LPIN1: variants seen among roughly 807,000 people sequenced by gnomAD.
LPIN1 encodes phosphatidate phosphatase LPIN1.
Under a neutral mutation model 107.5 loss-of-function variants are expected in LPIN1, and 71 were observed. The observed-to-expected ratio is 0.66, with a 90% CI of 0.55 to 0.80. The LOEUF (loss-of-function observed/expected upper bound fraction) is 0.80, where lower values mean the gene tolerates loss of function less well. LPIN1 is among the 30% of genes least tolerant of loss of function. The pLI, the probability that LPIN1 is intolerant of heterozygous loss-of-function variation, is 0.00. For synonymous variants in LPIN1, 445 were observed against 452.6 expected (o/e 0.98, Z 0.21); for missense variants, 1,043 against 1,160.6 (o/e 0.90, Z 1.47).
intron 3 of LPIN1, among the ~76,000 whole-genome samples, chr2:11,768,611 C>A (rs1391100304): frequency 3.3e-5 from 5 of 152,060 alleles, no homozygotes; most frequent in African/African-American, 1.2e-4. Context: ...TATCTATAGA[C>A]CATGTCCATT....
rs536936666 is a variant in LPIN1, at chr2:11,750,460, CTT to C, written c.-10+3793_-10+3794del. Among the ~76,000 whole-genome samples the C allele has an allele frequency of 2.4e-4, 37 of 152,284 alleles. 1 individual carries two copies. In the South Asian group the frequency reaches 7.7e-3, roughly 32 times the overall value. On this transcript the variant is annotated intron_variant, in intron 1 of 20. Coordinates refer to ENST00000674199, the MANE Select transcript of LPIN1 (RefSeq NM_001349206.2). ...AACTAGTAATATTCTTTGCCTCTGT[CTT>C]TTTGGGAAGGTACTATTTAAATAGG...
At chr2:11,784,841 CTG>C in intron 9 of LPIN1, 43 bp from the exon 10 acceptor site, 16 of 1,596,586 alleles carry the variant, frequency 1.0e-5, no homozygotes, top group Non-Finnish European at 1.2e-5. Flanking sequence ...GGACCCTGAA[CTG>C]GGACAGTCCT....
chr2:11,766,059 C>T (rs1670828458), intron 2 of LPIN1, among the ~76,000 whole-genome samples: 1 of 152,230 alleles, frequency 6.6e-6, no homozygotes, highest in Non-Finnish European at 1.5e-5. Context: ...ATCATCTGAA[C>T]ACTCACGTTC....
In LPIN1 at chr2:11,779,655, T is replaced by C. The variant is rs1673240891; in HGVS notation, c.957+10T>C. 1 of 1,613,848 alleles carries C rather than the reference T, an allele frequency of 6.2e-7. No homozygotes were observed. The highest frequency in any genetic ancestry group is 2.2e-5 in the East Asian group (1 of 44,868). On this transcript the variant is annotated intron_variant, in intron 7 of 20. Transcript: ENST00000674199. The stretch of plus-strand genomic sequence containing the variant: ...GCCGCAGGCTGCTAAGGTGAGAGTC[T>C]CTTCAATTCTGCCACGGACCGAAGA...
chr2:11,784,972 G>A lies in LPIN1; in HGVS notation c.1445G>A (p.Gly482Asp). Residue 482 changes from glycine (G) to aspartate (D), a missense_variant, in exon 10 of 21, where the codon GGC becomes GAC. Physicochemically the swap from Gly to Asp is moderately conservative, Grantham distance 94. Coordinates refer to ENST00000674199, the MANE Select transcript of LPIN1 (RefSeq NM_001349206.2). ...NQSPQSVGSS[G>D]VDSGVESTSD... ...TCCCCGCAGTCGGTGGGCAGCTCGG[G>A]CGTGGACAGTGGCGTGGAGAGCACC... 6.2e-7 allele frequency: 1 copy of A among 1,613,896 alleles called. No individual in the cohort carries two copies. The highest frequency in any genetic ancestry group is 1.3e-5 in the African/African-American group (1 of 75,040).
In LPIN1 at chr2:11,791,962, A is replaced by G. The variant is rs1675823612; in HGVS notation, c.1762A>G (p.Arg588Gly). Residue 588 changes from arginine (R) to glycine (G), a missense_variant, in exon 13 of 21, where the codon AGA becomes GGA. Transcript: ENST00000674199. The part of the protein sequence containing the change: ...MRDKMPKKGG[R>G]WWFSWRGRNT... ...GGATAAAATGCCCAAAAAGGGAGGA[A>G]GATGGTGGTTTTCATGGAGGGGAAG... is the stretch of plus-strand genomic sequence containing the variant. 3 of 1,614,096 alleles carry G rather than the reference A, an allele frequency of 1.9e-6. No homozygotes were observed. Among genetic ancestry groups the G allele is most frequent in the Non-Finnish European group, 2.5e-6 (3 of 1,179,962 alleles).
chr2:11,692,431 T>C (rs1157606901), intron 1 of LPIN1, among the ~76,000 whole-genome samples: 1 of 152,254 alleles, frequency 6.6e-6, no homozygotes, highest in Non-Finnish European at 1.5e-5. Flanking sequence ...TCCCAAATAC[T>C]AGAAACTCCT....
intron 1 of LPIN1, among the ~76,000 whole-genome samples, chr2:11,738,239 G>A (rs978317106): frequency 1.3e-5 from 2 of 151,882 alleles, no homozygotes; most frequent in African/African-American, 4.8e-5. Flanking sequence ...CTGTTGGGGA[G>A]TGGGGGGCTA....
intron 1 of LPIN1, among the ~76,000 whole-genome samples, chr2:11,699,912 C>G (rs1662781948): frequency 6.6e-6 from 1 of 152,036 alleles, no homozygotes; most frequent in Admixed American, 6.5e-5. Context: ...AATTACTCAA[C>G]CTTTCTGAAA....
intron 1 of LPIN1, among the ~76,000 whole-genome samples, chr2:11,704,433 T>C (rs957245786): frequency 7.9e-5 from 12 of 152,172 alleles, no homozygotes; most frequent in Non-Finnish European, 4.4e-5. Context: ...CACCCTGGAT[T>C]GTGATGTGTC....
intron 1 of LPIN1, among the ~76,000 whole-genome samples, chr2:11,689,256 T>A (rs73177496): frequency 0.045 from 6,893 of 152,288 alleles, 377 homozygotes; most frequent in African/African-American, 0.13. Flanking sequence ...TTTGAGAGAT[T>A]AATGAACTGC....
upstream of LPIN1, chr2:11,722,133 C>T (rs1188352428): frequency 1.3e-5 from 2 of 152,222 alleles, no homozygotes; most frequent in Non-Finnish European, 2.9e-5. Context: ...TTCAAGACCC[C>T]TCCACAGCCC....
chr2:11,816,515 T>TCATTG (rs1270246042), intron 18 of LPIN1: 1 of 152,230 alleles, frequency 6.6e-6, no homozygotes, highest in African/African-American at 2.4e-5. Flanking sequence ...TATTTAAATA[T>TCATTG]CATTGTCCAA....
intron 3 of LPIN1, among the ~76,000 whole-genome samples, chr2:11,769,295 T>A (rs746183395): frequency 3.3e-5 from 5 of 152,248 alleles, no homozygotes; most frequent in Non-Finnish European, 5.9e-5. Flanking sequence ...ATGGTTATGA[T>A]TTGCATTTTC....
At chr2:11,823,013 C>T (rs981950923) in intron 20 of LPIN1, 1 of 152,200 alleles carries the variant, frequency 6.6e-6, no homozygotes, top group Admixed American at 6.5e-5. Flanking sequence ...TCTCCTCCCC[C>T]AGGAAGCTCA....
chr2:11,821,439 C>T (rs1681505181), intron 20 of LPIN1, among the ~76,000 whole-genome samples: 1 of 152,170 alleles, frequency 6.6e-6, no homozygotes, highest in South Asian at 2.1e-4. Context: ...ATCACTTGAA[C>T]TCGGGAGGCA....
intron 2 of LPIN1, among the ~76,000 whole-genome samples, chr2:11,717,124 CAT>C (rs574953328): frequency 8.2e-4 from 125 of 152,242 alleles, no homozygotes; most frequent in African/African-American, 2.5e-3. Flanking sequence ...ATTTTTGAAA[CAT>C]GTGATCAAAG....
rs1033096943 is a variant in LPIN1 at position 11,803,770 on chromosome 2, G to A, written c.2014-653G>A. On this transcript the variant is annotated intron_variant, in intron 15 of 20. Transcript: ENST00000674199. The surrounding 1 kb of genome is among the most constrained non-coding windows in gnomAD (Gnocchi z 4.2). ...CGACACTGGGGACACCTGCAGTCAG[G>A]CAGCCTGGGGGTCTGAATGGCCAGC... 7.2e-4 allele frequency among the ~76,000 whole-genome samples: 110 copies of A among 152,288 alleles called. No homozygotes were observed. Among genetic ancestry groups the A allele is most frequent in the African/African-American group, 2.5e-3 (104 of 41,560 alleles).
At chr2:11,736,182 G>T (rs986640646) in intron 1 of LPIN1, among the ~76,000 whole-genome samples, 11 of 152,206 alleles carry the variant, frequency 7.2e-5, no homozygotes, top group Admixed American at 2.0e-4. Context: ...AAACCAATTT[G>T]ATGCCCTTTA....
Sources: gnomAD v4.1 joint callset for allele counts (sites outside exome capture counted in the v4.1 genomes callset) on GRCh38, gnomAD v4.1.1 for gene constraint, Gnocchi (gnomAD v3.1) non-coding constraint, MANE v1.5 for transcripts, NCBI Gene and HGNC (gene_info 2026-07-23, HGNC 2026-07-21) for gene names.